The following PET117 variants were observed in gnomAD, a reference collection of about 807,000 sequenced individuals.
PET117 encodes the protein protein PET117 homolog, mitochondrial.
In PET117, 10 loss-of-function variants were observed where a neutral mutation model predicts 9.2. That is an observed-to-expected ratio of 1.09 (90% confidence interval 0.67 to 1.85). The LOEUF (loss-of-function observed/expected upper bound fraction) is 1.85, where lower values mean the gene tolerates loss of function less well. Ranked by LOEUF, PET117 falls within the 40% of genes most tolerant of loss-of-function variation. PET117 has a pLI of 0.00. For synonymous variants in PET117, 43 were observed against 37.1 expected, an observed-to-expected ratio of 1.16 and a Z score of -0.57; for missense variants, 96 against 98.2, an observed-to-expected ratio of 0.98 and a Z score of 0.09.
rs1568662163 is a variant in PET117 at position 18,142,700 on chromosome 20, C to T, written c.*343C>T. 1 of 1,614,150 alleles carries T rather than the reference C, an allele frequency of 6.2e-7. No homozygotes were observed. Among genetic ancestry groups the T allele is most frequent in the African/African-American group, 1.3e-5 (1 of 75,040 alleles). On this transcript the variant is annotated 3_prime_UTR_variant, in exon 2 of 2. Coordinates refer to ENST00000432901, the MANE Select transcript of PET117 (RefSeq NM_001164811.2). ...CCACCTGAGTAGTCTGATCAGTCGGCATGATGACGAAGCCACGAGAACATC... is the reference window on the plus strand; with the variant it reads ...CCACCTGAGTAGTCTGATCAGTCGGTATGATGACGAAGCCACGAGAACATC...
At chr20:18,141,646 G>T (rs191696491) in intron 1 of PET117, among the ~76,000 whole-genome samples, 5 of 152,312 alleles carry the variant, frequency 3.3e-5, no homozygotes, top group African/African-American at 1.2e-4. Flanking sequence ...CACTTTGGGA[G>T]GCTGAGGCAG....
chr20:18,141,826 G>A (rs1408152419), intron 1 of PET117, among the ~76,000 whole-genome samples: 2 of 152,184 alleles, frequency 1.3e-5, no homozygotes, highest in East Asian at 1.9e-4. Context: ...GGAGGTTGCG[G>A]TGAGCTGCGG....
At chr20:18,141,608 G>A (rs1445857074) in intron 1 of PET117, among the ~76,000 whole-genome samples, 2 of 152,232 alleles carry the variant, frequency 1.3e-5, no homozygotes, top group Admixed American at 6.5e-5. Flanking sequence ...ACATTGGCCG[G>A]GTGCAGTGGC....
rs1192182655 is a variant in PET117 at position 18,142,200 on chromosome 20, G to A, written c.97-8G>A. The A allele has an allele frequency of 7.2e-6, 11 of 1,536,122 alleles. No homozygotes were observed. Among genetic ancestry groups the A allele is most frequent in the Non-Finnish European group, 7.9e-6 (9 of 1,146,212 alleles). ...GATGTTACTGAAATCTGTTTCTTAC[G>A]TTTTTAGAGGCTTCGTGACGGAGTT... On this transcript the variant is annotated splice_polypyrimidine_tract_variant and splice_region_variant and intron_variant, in intron 1 of 1. Transcript: ENST00000432901.
At chr20:18,138,217 G>C in intron 1 of PET117, 166 bp downstream of exon 1, 1 of 1,265,388 alleles carries the variant, frequency 7.9e-7, no homozygotes, top group Non-Finnish European at 9.9e-7. Flanking sequence ...CGGCCGCTCT[G>C]CTGGGCTCCG....
chr20:18,139,767 T>C (rs1420225616), intron 1 of PET117, among the ~76,000 whole-genome samples: 3 of 152,080 alleles, frequency 2.0e-5, no homozygotes, highest in Non-Finnish European at 4.4e-5. Flanking sequence ...ATTAGCACAG[T>C]GGATGTGTCG....
rs1030394023 is a variant in PET117, at chr20:18,142,473, T to A, written c.*116T>A. 17 of 1,456,840 alleles carry A rather than the reference T, an allele frequency of 1.2e-5. No homozygotes were observed. Among genetic ancestry groups the A allele is most frequent in the Non-Finnish European group, 1.5e-5 (17 of 1,110,222 alleles). 90.2% of individuals were successfully genotyped at this position (1,456,840 alleles called of 1,614,324 possible). A position where few individuals can be genotyped will look rare whatever the true frequency, so the allele number is the denominator to read the frequency against. ...TTGGTCACTGTCCTTTTAAACTTGA[T>A]CAAATAAAGGACAGTGGGTCATATA... is the stretch of plus-strand genomic sequence containing the variant. On this transcript the variant is annotated 3_prime_UTR_variant, in exon 2 of 2. Coordinates refer to ENST00000432901, the MANE Select transcript of PET117 (RefSeq NM_001164811.2).
chr20:18,137,923 C>T lies in PET117; in HGVS notation c.-33C>T. 2.0e-6 allele frequency: 3 copies of T among 1,468,148 alleles called. No homozygotes were observed. The highest frequency in any genetic ancestry group is 2.6e-5 in the South Asian group (2 of 77,160). The allele number at this position is 1,468,148 out of a possible 1,614,324, so 90.9% of individuals were successfully genotyped here. On this transcript the variant is annotated 5_prime_UTR_variant, in exon 1 of 2. Coordinates refer to ENST00000432901, the MANE Select transcript of PET117 (RefSeq NM_001164811.2). ...CGGCGGCCTCTGCGCCTCGGGCGGG[C>T]GGGAGAGAGAGGCCGCGGCCGCCAG...
chr20:18,139,735 G>T (rs1330804580), intron 1 of PET117, among the ~76,000 whole-genome samples: 1 of 151,888 alleles, frequency 6.6e-6, no homozygotes, highest in Non-Finnish European at 1.5e-5. Flanking sequence ...ATTAATAGCA[G>T]TGGGAAAGAC....
Position 18,142,917 on chromosome 20 carries a change from C to T in PET117, c.*560C>T. 6.2e-7 allele frequency: 1 copy of T among 1,613,326 alleles called. No homozygotes were observed. Among genetic ancestry groups the T allele is most frequent in the Non-Finnish European group, 8.5e-7 (1 of 1,179,330 alleles). ...GACAAGTGCCAAAAATGGATACCAG[C>T]CAGTAAGGAGCTTCTCAATTCCTTT... On this transcript the variant is annotated 3_prime_UTR_variant, in exon 2 of 2. Transcript: ENST00000432901.
At chr20:18,141,051 T>TTTGTTTTTTTTTTG (rs58888387) in intron 1 of PET117, among the ~76,000 whole-genome samples, 1 of 109,704 alleles carries the variant, frequency 9.1e-6, no homozygotes. Context: ...TTTTTTATTT[T>TTTGTTTTTTTTTTG]TATTTTTGCT....
chr20:18,143,096 G>A lies in PET117; in HGVS notation c.*739G>A, dbSNP rs900719164. On this transcript the variant is annotated 3_prime_UTR_variant, in exon 2 of 2. Transcript: ENST00000432901. ...ATAGGCATGTTTGTACTAATGAAAC[G>A]TACTGTCAACCTCTATCACATTGTT... 32 of 1,391,862 alleles carry A rather than the reference G, an allele frequency of 2.3e-5. No homozygotes were observed. In the East Asian group the frequency reaches 3.9e-4, roughly 17 times the overall value. 86.2% of individuals were successfully genotyped at this position (1,391,862 alleles called of 1,614,324 possible).
chr20:18,137,998 C>T lies in PET117; in HGVS notation c.43C>T (p.Leu15=), dbSNP rs1004255968. The change falls in exon 1 of 2, where the codon CTG becomes TTG. Residue 15 remains leucine (L), a synonymous_variant. Coordinates refer to ENST00000432901, the MANE Select transcript of PET117 (RefSeq NM_001164811.2). ...GGTGGTGCTGGGCCTCTCGGTGCTG[C>T]TGACGGCGGCCACAGTGGCCGGCGT... The part of the protein sequence containing the change: ...SKVVLGLSVL[L]TAATVAGVHV... 1.5e-5 allele frequency: 22 copies of T among 1,507,004 alleles called. No individual in the cohort carries two copies. The highest frequency in any genetic ancestry group is 1.8e-5 in the Non-Finnish European group (20 of 1,134,558). The allele number at this position is 1,507,004 out of a possible 1,614,324, so 93.4% of individuals were successfully genotyped here.
chr20:18,141,032 T>TTTTA (rs2037536076), intron 1 of PET117, among the ~76,000 whole-genome samples: 1 of 17,014 alleles, frequency 5.9e-5, no homozygotes, highest in Non-Finnish European at 1.6e-4. Flanking sequence ...AATTTTTTTT[T>TTTTA]TTTTTTTTTT....
chr20:18,138,400 G>T (rs35938148), intron 1 of PET117: 338,104 of 1,030,522 alleles, frequency 0.33, 57,135 homozygotes, highest in Non-Finnish European at 0.35. Flanking sequence ...GGCCCGCAGG[G>T]TGCGGACCTT....
intron 1 of PET117, chr20:18,138,344 C>G: frequency 9.1e-7 from 1 of 1,104,140 alleles, no homozygotes; most frequent in South Asian, 4.3e-5. Flanking sequence ...AGGCACGGCA[C>G]GCAAGCTTTT....
chr20:18,142,595 T>C lies in PET117; in HGVS notation c.*238T>C. ...TGGGTGATCCTGGTAGAAGCCCCAT[T>C]AGGGTCACTGTCCAGTGCTTAGGGT... On this transcript the variant is annotated 3_prime_UTR_variant, in exon 2 of 2. Transcript: ENST00000432901. 6.3e-7 allele frequency: 1 copy of C among 1,595,138 alleles called. No individual in the cohort carries two copies. Among genetic ancestry groups the C allele is most frequent in the Non-Finnish European group, 8.6e-7 (1 of 1,168,938 alleles).
rs1345263892 is a variant in PET117 at position 18,137,892 on chromosome 20, A to C, written c.-64A>C. On this transcript the variant is annotated 5_prime_UTR_variant, in exon 1 of 2. Coordinates refer to ENST00000432901, the MANE Select transcript of PET117 (RefSeq NM_001164811.2). ...CTGGGCAGTACAGGCGGCGGTGCGC[A>C]CTCTGCGGCGGCCTCTGCGCCTCGG... The C allele has an allele frequency of 2.1e-6, 3 of 1,420,760 alleles. No homozygotes were observed. Among genetic ancestry groups the C allele is most frequent in the Non-Finnish European group, 2.8e-6 (3 of 1,089,790 alleles). 88.0% of individuals were successfully genotyped at this position (1,420,760 alleles called of 1,614,324 possible).
Position 18,143,088 on chromosome 20 carries a change from A to G in PET117, c.*731A>G, listed in dbSNP as rs1680112887. On this transcript the variant is annotated 3_prime_UTR_variant, in exon 2 of 2. Transcript: ENST00000432901. The stretch of plus-strand genomic sequence containing the variant: ...TATAAAACATAGGCATGTTTGTACT[A>G]ATGAAACGTACTGTCAACCTCTATC... The G allele has an allele frequency of 5.0e-6, 7 of 1,402,860 alleles. No individual in the cohort carries two copies. Among genetic ancestry groups the G allele is most frequent in the Non-Finnish European group, 6.5e-6 (7 of 1,076,966 alleles). 86.9% of individuals were successfully genotyped at this position (1,402,860 alleles called of 1,614,324 possible). A position where few individuals can be genotyped will look rare whatever the true frequency, so the allele number is the denominator to read the frequency against.
Sources: gnomAD v4.1 joint callset for allele counts (sites outside exome capture counted in the v4.1 genomes callset) on GRCh38, gnomAD v4.1.1 for gene constraint, MANE v1.5 for transcripts, NCBI Gene and HGNC (gene_info 2026-07-23, HGNC 2026-07-21) for gene names.